KLHL26: variants seen among roughly 807,000 people sequenced by gnomAD.
KLHL26 encodes the protein kelch-like protein 26.
KLHL26 carries 4 observed loss-of-function variants against 7.1 expected under a neutral mutation model. The ratio of observed to expected loss-of-function variants is 0.56; its 90% CI spans 0.28 to 1.28. The LOEUF (loss-of-function observed/expected upper bound fraction) is 1.28. Ranked by LOEUF, KLHL26 falls within the 50% of genes most tolerant of loss-of-function variation. The pLI, the probability that KLHL26 is intolerant of heterozygous loss-of-function variation, is 0.11. For synonymous variants in KLHL26, 465 were observed against 414.1 expected (o/e 1.12, Z -1.49); for missense variants, 896 against 924.6 (o/e 0.97, Z 0.40).
chr19:18,639,697 A>G (rs1976680099), intron 1 of KLHL26, among the ~76,000 whole-genome samples: 1 of 152,100 alleles, frequency 6.6e-6, no homozygotes, highest in Non-Finnish European at 1.5e-5. Flanking sequence ...GGTGTGAACC[A>G]CTGTGCTCAA....
rs150214018 is a variant in KLHL26 at position 18,659,964 on chromosome 19, C to T, written c.84-4297C>T. Among the ~76,000 whole-genome samples, 80 of 152,306 alleles carry T rather than the reference C, an allele frequency of 5.3e-4. 1 individual carries two copies. The highest frequency in any genetic ancestry group is 9.3e-4 in the Non-Finnish European group (63 of 68,014). On this transcript the variant is annotated intron_variant, in intron 1 of 2. Coordinates refer to ENST00000300976, the MANE Select transcript of KLHL26 (RefSeq NM_018316.3). ...GGTTCCCCCAGAGCAGACTCTCAGG[C>T]GGGGGTTCGAGGGCCCCACGAAAGA...
intron 1 of KLHL26, among the ~76,000 whole-genome samples, chr19:18,660,413 A>G (rs996483513): frequency 2.6e-5 from 4 of 152,162 alleles, no homozygotes; most frequent in African/African-American, 4.8e-5. Flanking sequence ...GGGGCTGCTG[A>G]CGCATTGGCT....
chr19:18,641,631 T>C (rs1976713739), intron 1 of KLHL26, among the ~76,000 whole-genome samples: 2 of 86,656 alleles, frequency 2.3e-5, no homozygotes, highest in South Asian at 6.8e-4. Context: ...TTTTCTTTTT[T>C]CTTTTTTTTT....
At chr19:18,645,167 A>G (rs1389302557) in intron 1 of KLHL26, among the ~76,000 whole-genome samples, 1 of 152,112 alleles carries the variant, frequency 6.6e-6, no homozygotes, top group African/African-American at 2.4e-5. Context: ...GCAAGCACAA[A>G]GGACACTTGT....
Position 18,669,361 on chromosome 19 carries a change from G to A in KLHL26, c.*116G>A. On this transcript the variant is annotated 3_prime_UTR_variant, in exon 3 of 3. Transcript: ENST00000300976. ...CCCTTCGCCCGGGCTGCCCTTGAGG[G>A]GCCTGCTGCGTTGATAAGCCCCCCT... The A allele has an allele frequency of 1.3e-6, 1 of 777,022 alleles. No homozygotes were observed. The highest frequency in any genetic ancestry group is 2.1e-6 in the Non-Finnish European group (1 of 479,810). The allele number at this position is 777,022 out of a possible 1,614,324, so 48.1% of individuals were successfully genotyped here.
chr19:18,642,095 T>C (rs1976722361), intron 1 of KLHL26, among the ~76,000 whole-genome samples: 1 of 152,084 alleles, frequency 6.6e-6, no homozygotes, highest in South Asian at 2.1e-4. Context: ...TTGAGGGAGA[T>C]TGGTACAAGA....
At chr19:18,659,382 A>G (rs2052368648) in intron 1 of KLHL26, among the ~76,000 whole-genome samples, 1 of 152,218 alleles carries the variant, frequency 6.6e-6, no homozygotes, top group South Asian at 2.1e-4. Flanking sequence ...CTGGGGCGGC[A>G]TCGCATCAGC....
rs2145380326 is a variant in KLHL26, at chr19:18,648,700, C to T, written c.83+11563C>T. 6.6e-6 allele frequency among the ~76,000 whole-genome samples: 1 copy of T among 152,290 alleles called. No individual in the cohort carries two copies. The highest frequency in any genetic ancestry group is 1.9e-4 in the East Asian group (1 of 5,186). Reference sequence around the variant, plus strand: ...TCCTTGAGGGCTTCAGGTCTTCCCACCAGCAGGTCCCAGTCCTGGGAATGT... The same window carrying T: ...TCCTTGAGGGCTTCAGGTCTTCCCATCAGCAGGTCCCAGTCCTGGGAATGT... On this transcript the variant is annotated intron_variant, in intron 1 of 2. Transcript: ENST00000300976. This position sits in a 1 kb window ranked among gnomAD's most constrained non-coding sequence, Gnocchi z 4.9.
Position 18,648,655 on chromosome 19 carries a change from G to A in KLHL26, c.83+11518G>A, listed in dbSNP as rs1976847448. ...ATGCCTCTCCTTGCTCAGGGTTCGTGCCACTTGGAGCTCCCACAGTCCTTG... is the reference window on the plus strand; with the variant it reads ...ATGCCTCTCCTTGCTCAGGGTTCGTACCACTTGGAGCTCCCACAGTCCTTG... On this transcript the variant is annotated intron_variant, in intron 1 of 2. Transcript: ENST00000300976. The surrounding 1 kb of genome is among the most constrained non-coding windows in gnomAD (Gnocchi z 4.9). 6.6e-6 allele frequency among the ~76,000 whole-genome samples: 1 copy of A among 152,164 alleles called. No homozygotes were observed. The highest frequency in any genetic ancestry group is 2.4e-5 in the African/African-American group (1 of 41,436).
chr19:18,660,494 G>A (rs917793864), intron 1 of KLHL26, among the ~76,000 whole-genome samples: 2 of 152,188 alleles, frequency 1.3e-5, no homozygotes, highest in African/African-American at 4.8e-5. Context: ...CAGGGCCACC[G>A]CCTTCCTGGG....
chr19:18,669,053 C>G lies in KLHL26; in HGVS notation c.1656C>G (p.Ala552=). ...VSPMRAGQSE[A]GCCLLERKIY... ...CCATGCGGGCCGGCCAGTCAGAGGC[C>G]GGCTGCTGCCTGCTGGAGAGGAAGA... Residue 552 remains alanine (A), a synonymous_variant, in exon 3 of 3, where the codon GCC becomes GCG. Transcript: ENST00000300976. The G allele has an allele frequency of 1.9e-6, 3 of 1,612,756 alleles. No homozygotes were observed. The highest frequency in any genetic ancestry group is 1.7e-6 in the Non-Finnish European group (2 of 1,179,900).
rs558062890 is a variant in KLHL26 at position 18,668,158 on chromosome 19, C to T, written c.761C>T (p.Pro254Leu). 1.2e-4 allele frequency: 196 copies of T among 1,608,452 alleles called. No individual in the cohort carries two copies. Among genetic ancestry groups the T allele is most frequent in the Non-Finnish European group, 1.6e-4 (185 of 1,179,552 alleles). Residue 254 changes from proline to leucine, a missense_variant, in exon 3 of 3, where the codon CCG becomes CTG. Coordinates refer to ENST00000300976, the MANE Select transcript of KLHL26 (RefSeq NM_018316.3). ...CACGTGCTCTGCCACATTCGCTTCC[C>T]GCTCATGCAGTCGTCCGAGCTGGTG... is the stretch of plus-strand genomic sequence containing the variant. ...ASHVLCHIRFPLMQSSELVDS... is the reference protein window; with the variant it reads ...ASHVLCHIRFLLMQSSELVDS...
chr19:18,665,060 G>GTTT (rs775490262), intron 2 of KLHL26, among the ~76,000 whole-genome samples: 1 of 136,366 alleles, frequency 7.3e-6, no homozygotes, highest in Non-Finnish European at 1.6e-5. Flanking sequence ...GATCTGTTTT[G>GTTT]TTTTTTTTTT....
chr19:18,642,383 T>G (rs866479135), intron 1 of KLHL26, among the ~76,000 whole-genome samples: 1,455 of 61,444 alleles, frequency 0.024, 21 homozygotes, highest in African/African-American at 0.092. Flanking sequence ...GTGTGTGTGT[T>G]TGAGATGGAG....
chr19:18,662,485 C>T (rs766129172), intron 1 of KLHL26, among the ~76,000 whole-genome samples: 2 of 152,194 alleles, frequency 1.3e-5, no homozygotes, highest in Non-Finnish European at 2.9e-5. Flanking sequence ...ACGCAGCATC[C>T]CTGCATGCAC....
Position 18,669,536 on chromosome 19 carries a change from G to T in KLHL26, c.*291G>T. On this transcript the variant is annotated 3_prime_UTR_variant, in exon 3 of 3. Transcript: ENST00000300976. The stretch of plus-strand genomic sequence containing the variant: ...CCTGGCCCCCGAGTCCCCACGGGCT[G>T]GCGGGTGGAATCCCAGGTCTCCAGG... The T allele has an allele frequency of 1.8e-6, 1 of 562,968 alleles. No homozygotes were observed. The highest frequency in any genetic ancestry group is 2.4e-5 in the South Asian group (1 of 41,830). 34.9% of individuals were successfully genotyped at this position (562,968 alleles called of 1,614,324 possible).
chr19:18,670,954 C>T lies in KLHL26; in HGVS notation c.*1709C>T, dbSNP rs1319243413. On this transcript the variant is annotated 3_prime_UTR_variant, in exon 3 of 3. Transcript: ENST00000300976. ...CCTTGAACTCTTGACCTCAGGTGAT[C>T]CACCTGCCTCTGCCTCCCAAAGTGC... 6.6e-6 allele frequency: 1 copy of T among 152,292 alleles called. No individual in the cohort carries two copies. Among genetic ancestry groups the T allele is most frequent in the Non-Finnish European group, 1.5e-5 (1 of 68,142 alleles). The allele number at this position is 152,292 out of a possible 1,614,324, so 9.4% of individuals were successfully genotyped here.
At chr19:18,657,677 T>G (rs2052348347) in intron 1 of KLHL26, among the ~76,000 whole-genome samples, 1 of 152,170 alleles carries the variant, frequency 6.6e-6, no homozygotes, top group African/African-American at 2.4e-5. Flanking sequence ...CTCCTGGCTC[T>G]CCCACTTGTC....
rs1398801332 is a variant in KLHL26, at chr19:18,650,736, TC to T, written c.84-13524del. ...GTTAGCATTTAGAGTTGCTGAACTT[TC>T]GCATTGGTCAGGGGCGCGGGCAGCT... is the stretch of plus-strand genomic sequence containing the variant. On this transcript the variant is annotated intron_variant, in intron 1 of 2. Transcript: ENST00000300976. The surrounding 1 kb of genome is among the most constrained non-coding windows in gnomAD (Gnocchi z 4.2). Among the ~76,000 whole-genome samples, 3 of 152,230 alleles carry T rather than the reference TC, an allele frequency of 2.0e-5. No homozygotes were observed. The highest frequency in any genetic ancestry group is 7.2e-5 in the African/African-American group (3 of 41,452).
Sources: gnomAD v4.1 joint callset for allele counts (sites outside exome capture counted in the v4.1 genomes callset) on GRCh38, gnomAD v4.1.1 for gene constraint, Gnocchi (gnomAD v3.1) non-coding constraint, MANE v1.5 for transcripts, NCBI Gene and HGNC (gene_info 2026-07-23, HGNC 2026-07-21) for gene names.